The following IVD variants were observed in gnomAD, a reference collection of about 807,000 sequenced individuals.
The protein encoded by IVD is isovaleryl-CoA dehydrogenase, also known as isovaleryl-CoA dehydrogenase, mitochondrial.
A neutral mutation model predicts 51.3 loss-of-function variants in IVD; 31 were observed. The ratio of observed to expected loss-of-function variants is 0.60; its 90% CI spans 0.45 to 0.81. The LOEUF is 0.81. Among genes scored for constraint, IVD ranks in the 40% least tolerant of loss-of-function variants. IVD has a pLI of 0.00. For synonymous variants in IVD, 205 were observed against 219.4 expected, an observed-to-expected ratio of 0.93 and a Z score of 0.58; for missense variants, 475 against 552.0, an observed-to-expected ratio of 0.86 and a Z score of 1.40.
downstream of IVD, among the ~76,000 whole-genome samples, chr15:40,428,526 A>C (rs1046627463): frequency 4.6e-5 from 7 of 152,076 alleles, no homozygotes; most frequent in African/African-American, 1.7e-4. Flanking sequence ...TGAAGGAGCA[A>C]GTGGGGGCCC....
downstream of IVD, among the ~76,000 whole-genome samples, chr15:40,428,572 G>T (rs556274717): frequency 2.0e-5 from 3 of 152,252 alleles, no homozygotes; most frequent in East Asian, 5.8e-4. Flanking sequence ...AAGCCGCCCA[G>T]GTGCTTGGAA....
intron 9 of IVD, 24 bp downstream of exon 9, chr15:40,415,506 A>G (rs762673197): frequency 8.1e-6 from 13 of 1,602,686 alleles, no homozygotes; most frequent in South Asian, 7.7e-5. Context: ...TTTTGCTGAC[A>G]TGTACTCTTC....
At chr15:40,426,213 C>T (rs1431576553), downstream of IVD, among the ~76,000 whole-genome samples, 4 of 152,046 alleles carry the variant, frequency 2.6e-5, no homozygotes, top group South Asian at 2.1e-4. Flanking sequence ...TGTCGATGGA[C>T]ATTTGGGCTG....
chr15:40,407,873 C>T, intron 2 of IVD, 66 bp from the exon 3 acceptor site: 1 of 1,554,022 alleles, frequency 6.4e-7, no homozygotes, highest in Non-Finnish European at 8.9e-7. Context: ...TCTCATTGTT[C>T]CAGCCACATG....
chr15:40,410,154 G>C (rs1359151473), intron 3 of IVD, among the ~76,000 whole-genome samples: 3 of 152,132 alleles, frequency 2.0e-5, no homozygotes, highest in African/African-American at 7.2e-5. Flanking sequence ...GCTTCTTTGG[G>C]TTCAGCCCTA....
intron 2 of IVD, 98 bp downstream of exon 2, chr15:40,407,823 CCT>C (rs1566932254): frequency 2.6e-5 from 38 of 1,434,466 alleles, no homozygotes; most frequent in Non-Finnish European, 3.6e-5. Context: ...GTAAATGAAG[CCT>C]CTCTAAGAAT....
intron 7 of IVD, among the ~76,000 whole-genome samples, chr15:40,431,322 A>G (rs1892962669): frequency 6.6e-6 from 1 of 152,086 alleles, no homozygotes. Context: ...GAAGTTACCG[A>G]ACCTCTCTAT....
downstream of IVD, among the ~76,000 whole-genome samples, chr15:40,428,215 G>T (rs1348954209): frequency 6.6e-6 from 1 of 151,754 alleles, no homozygotes; most frequent in Non-Finnish European, 1.5e-5. Flanking sequence ...ACTGTTTGTG[G>T]GTTTTATATG....
In IVD at chr15:40,415,429, A is replaced by G; in HGVS notation, c.907A>G (p.Ile303Val). 1 of 1,614,090 alleles carries G rather than the reference A, an allele frequency of 6.2e-7. No homozygotes were observed. The highest frequency in any genetic ancestry group is 8.5e-7 in the Non-Finnish European group (1 of 1,179,996). ...GLMQAVLDHT[I>V]PYLHVREAFG... is the part of the protein sequence containing the mutation. ...CATGCAAGCGGTCCTGGACCACACC[A>G]TTCCCTACCTGCACGTGAGGGAAGC... is the stretch of plus-strand genomic sequence containing the variant. Residue 303 changes from isoleucine to valine, a missense_variant, in exon 9 of 12, where the codon ATT becomes GTT. By Grantham distance (29) the Ile-to-Val change is conservative (BLOSUM62 3). Transcript: ENST00000487418.
chr15:40,424,116 C>T (rs1217859007), downstream of IVD: 1 of 1,271,376 alleles, frequency 7.9e-7, no homozygotes, highest in Non-Finnish European at 1.0e-6. Flanking sequence ...ATCCTGCCAA[C>T]TTGCCTTCCT....
downstream of IVD, among the ~76,000 whole-genome samples, chr15:40,426,050 C>G (rs1435742499): frequency 6.6e-6 from 1 of 151,460 alleles, no homozygotes; most frequent in East Asian, 1.9e-4. Context: ...AGCCATCCTT[C>G]TGCTTCAGCC....
rs753453660 is a variant in IVD, at chr15:40,413,106, C to T, written c.784+19C>T. 12 of 1,590,990 alleles carry T rather than the reference C, an allele frequency of 7.5e-6. No individual in the cohort carries two copies. The highest frequency in any genetic ancestry group is 4.4e-5 in the South Asian group (4 of 90,494). ...ATTCCTGGTAAGTAGCACCGGGAATCGGGGAGCCCCTCTCCTGACCCCCTT... is the reference window on the plus strand; with the variant it reads ...ATTCCTGGTAAGTAGCACCGGGAATTGGGGAGCCCCTCTCCTGACCCCCTT... On this transcript the variant is annotated intron_variant, in intron 7 of 11. Transcript: ENST00000487418.
Position 40,414,977 on chromosome 15 carries a change from T to G in IVD, c.873T>G (p.Pro291=). Residue 291 remains proline (P), a synonymous_variant, in exon 8 of 12, where the codon CCT becomes CCG. Coordinates refer to ENST00000487418, the MANE Select transcript of IVD (RefSeq NM_002225.5). ...AGCGGCTGGTGCTGGCCGGGGGGCC[T>G]CTTGGGTAAGTGTGAGAGGCTTGAG... ...DLERLVLAGG[P]LGLMQAVLDH... 1 of 1,613,696 alleles carries G rather than the reference T, an allele frequency of 6.2e-7. No individual in the cohort carries two copies. Among genetic ancestry groups the G allele is most frequent in the Non-Finnish European group, 8.5e-7 (1 of 1,179,908 alleles).
In IVD at chr15:40,414,929, G is replaced by T. The variant is rs1891480566; in HGVS notation, c.825G>T (p.Val275=). The change falls in exon 8 of 12, where the codon GTG becomes GTT. Residue 275 remains valine (V), a synonymous_variant. Coordinates refer to ENST00000487418, the MANE Select transcript of IVD (RefSeq NM_002225.5). ...GCCATGAGAATAAGGGTGTCTACGTGCTGATGAGTGGGCTGGACCTGGAGC... is the reference window on the plus strand; with the variant it reads ...GCCATGAGAATAAGGGTGTCTACGTTCTGATGAGTGGGCTGGACCTGGAGC... The part of the protein sequence containing the change: ...ILGHENKGVY[V]LMSGLDLERL... 1 of 1,614,044 alleles carries T rather than the reference G, an allele frequency of 6.2e-7. No homozygotes were observed. The highest frequency in any genetic ancestry group is 8.5e-7 in the Non-Finnish European group (1 of 1,180,040).
chr15:40,406,321 T>C, intron 1 of IVD: 4 of 1,364,502 alleles, frequency 2.9e-6, no homozygotes, highest in Non-Finnish European at 3.9e-6. Context: ...TCAATCTGTA[T>C]GTAGTTCACT....
At chr15:40,424,228 G>A, downstream of IVD, 2 of 1,276,204 alleles carry the variant, frequency 1.6e-6, no homozygotes, top group Non-Finnish European at 2.0e-6. Context: ...TAAGATCTAA[G>A]GCTTGGCAAG....
rs546900720 is a variant in IVD, at chr15:40,418,737, G to C, written c.*474G>C. 2.7e-6 allele frequency: 3 copies of C among 1,106,104 alleles called. No individual in the cohort carries two copies. Among genetic ancestry groups the C allele is most frequent in the Admixed American group, 4.8e-5 (1 of 21,048 alleles). 68.5% of individuals were successfully genotyped at this position (1,106,104 alleles called of 1,614,324 possible). A position where few individuals can be genotyped will look rare whatever the true frequency, so the allele number is the denominator to read the frequency against. On this transcript the variant is annotated 3_prime_UTR_variant, in exon 12 of 12. Coordinates refer to ENST00000487418, the MANE Select transcript of IVD (RefSeq NM_002225.5). ...TCTCCATGAATTGGAACTTGGTACAGGTTAAGTATCCCTAATCCTGAAATC... is the reference window on the plus strand; with the variant it reads ...TCTCCATGAATTGGAACTTGGTACACGTTAAGTATCCCTAATCCTGAAATC...
At chr15:40,413,208 C>T in intron 7 of IVD, 121 bp downstream of exon 7, 1 of 812,654 alleles carries the variant, frequency 1.2e-6, no homozygotes, top group Middle Eastern at 3.4e-4. Flanking sequence ...GCTTCAGTGA[C>T]ATGTGGCTAG....
In IVD at chr15:40,416,170, T is replaced by C. The variant is rs763091729; in HGVS notation, c.1053T>C (p.His351=). The C allele has an allele frequency of 4.3e-6, 7 of 1,614,108 alleles. No homozygotes were observed. The highest frequency in any genetic ancestry group is 1.7e-5 in the Admixed American group (1 of 60,012). ...TCGCCAAGGCCTGCGATGAGGGCCA[T>C]TGCACTGCTAAGGTGAGGGCCAGCC... ...YNVAKACDEG[H]CTAKDCAGVI... Residue 351 remains histidine, a synonymous_variant, in exon 10 of 12, where the codon CAT becomes CAC. Coordinates refer to ENST00000487418, the MANE Select transcript of IVD (RefSeq NM_002225.5).
Sources: gnomAD v4.1 joint callset for allele counts (sites outside exome capture counted in the v4.1 genomes callset) on GRCh38, gnomAD v4.1.1 for gene constraint, MANE v1.5 for transcripts, NCBI Gene and HGNC (gene_info 2026-07-23, HGNC 2026-07-21) for gene names.